Variants in OPCML observed in about 807,000 individuals in gnomAD.
OPCML encodes the protein opioid binding protein/cell adhesion molecule like, also known as opioid-binding protein/cell adhesion molecule.
In OPCML, 13 loss-of-function variants were observed where a neutral mutation model predicts 37.8. The observed-to-expected ratio is 0.34, with a 90% CI of 0.22 to 0.55. OPCML has a LOEUF of 0.55. Among genes scored for constraint, OPCML ranks in the 20% least tolerant of loss-of-function variants. The pLI, the probability that OPCML is intolerant of heterozygous loss-of-function variation, is 0.91. For synonymous variants in OPCML, 176 were observed against 168.8 expected (o/e 1.04, Z -0.33); for missense variants, 341 against 435.6 (o/e 0.78, Z 1.93).
intron 2 of OPCML, among the ~76,000 whole-genome samples, chr11:132,824,095 G>C (rs914538639): frequency 6.6e-6 from 1 of 152,064 alleles, no homozygotes. Flanking sequence ...AGCCTTTCCA[G>C]TTTAAATCTC....
intron 1 of OPCML, among the ~76,000 whole-genome samples, chr11:133,315,656 G>A (rs527947488): frequency 2.7e-4 from 41 of 152,086 alleles, no homozygotes; most frequent in African/African-American, 5.3e-4. Context: ...AAATTAGCCC[G>A]GCATAGTGGC....
chr11:132,492,824 G>A (rs139212597), intron 4 of OPCML, among the ~76,000 whole-genome samples: 221 of 152,290 alleles, frequency 1.5e-3, no homozygotes, highest in Middle Eastern at 0.01. Flanking sequence ...AAGAGTGCCT[G>A]GTGCACAGTA....
rs1393131067 is a variant in OPCML, at chr11:133,262,426, TGG to T, written c.61+269836_61+269837del. Among the ~76,000 whole-genome samples, 5 of 152,148 alleles carry T rather than the reference TGG, an allele frequency of 3.3e-5. No homozygotes were observed. In the East Asian group the frequency reaches 9.7e-4, roughly 30 times the overall value. On this transcript the variant is annotated intron_variant, in intron 1 of 7. Transcript: ENST00000524381. Reference sequence around the variant, plus strand: ...CAGAGAAAAAGAGGAATGAGGAAAATGGAGAGACTGGGGCCTAACACCATCTA... The same window carrying T: ...CAGAGAAAAAGAGGAATGAGGAAAATAGAGACTGGGGCCTAACACCATCTA...
chr11:133,183,969 A>C (rs1468685437), intron 1 of OPCML, among the ~76,000 whole-genome samples: 5 of 152,192 alleles, frequency 3.3e-5, no homozygotes, highest in African/African-American at 1.2e-4. Context: ...AAGCCCACTT[A>C]TTTACGCAGC....
chr11:133,276,025 C>T (rs1004564767), intron 1 of OPCML, among the ~76,000 whole-genome samples: 7 of 152,096 alleles, frequency 4.6e-5, no homozygotes, highest in African/African-American at 7.2e-5. Flanking sequence ...GAAAATGAAT[C>T]GTGGCCAGAG....
chr11:132,495,655 G>T (rs1260035695), intron 4 of OPCML, among the ~76,000 whole-genome samples: 1 of 152,174 alleles, frequency 6.6e-6, no homozygotes, highest in African/African-American at 2.4e-5. Context: ...ACTTTGGGAA[G>T]CCGAGGCAGG....
chr11:133,504,982 C>T (rs575270385), intron 1 of OPCML, among the ~76,000 whole-genome samples: 1 of 152,292 alleles, frequency 6.6e-6, no homozygotes, highest in South Asian at 2.1e-4. Flanking sequence ...TGAGACACCC[C>T]CTAAGGGGAC....
intron 1 of OPCML, among the ~76,000 whole-genome samples, chr11:133,214,896 G>A (rs997765249): frequency 6.6e-6 from 1 of 152,260 alleles, no homozygotes. Flanking sequence ...CAGCTATATA[G>A]CCAGCAAATG....
At chr11:133,352,560 TG>T in intron 1 of OPCML, among the ~76,000 whole-genome samples, 1 of 152,232 alleles carries the variant, frequency 6.6e-6, no homozygotes, top group Non-Finnish European at 1.5e-5. Flanking sequence ...TCAATATAAA[TG>T]GAGAATCAGT....
At chr11:132,714,866 AAG>A (rs1944409462) in intron 2 of OPCML, among the ~76,000 whole-genome samples, 3 of 152,188 alleles carry the variant, frequency 2.0e-5, no homozygotes, top group Non-Finnish European at 4.4e-5. Flanking sequence ...GATGATGTGG[AAG>A]ATAACAGAGA....
chr11:132,491,317 G>A (rs2096214862), intron 4 of OPCML, among the ~76,000 whole-genome samples: 2 of 152,200 alleles, frequency 1.3e-5, no homozygotes, highest in Admixed American at 1.3e-4. Flanking sequence ...CCTTACAATG[G>A]CCTGGACTGC....
chr11:132,884,105 G>A (rs1406023089), intron 2 of OPCML, among the ~76,000 whole-genome samples: 2 of 152,170 alleles, frequency 1.3e-5, no homozygotes, highest in Non-Finnish European at 2.9e-5. Flanking sequence ...GATTATAGCT[G>A]GGGTTATCCA....
chr11:133,045,630 G>T lies in OPCML; in HGVS notation c.62-102620C>A, dbSNP rs569430916. ...CTGGAAAGCTCTGCCCTGTGAGCTGGTCTCTGCCATCTTCTTCCCTCTCCC... is the reference window on the plus strand; with the variant it reads ...CTGGAAAGCTCTGCCCTGTGAGCTGTTCTCTGCCATCTTCTTCCCTCTCCC... On this transcript the variant is annotated intron_variant, in intron 1 of 7. Transcript: ENST00000524381. 3.9e-5 allele frequency among the ~76,000 whole-genome samples: 6 copies of T among 152,326 alleles called. No individual in the cohort carries two copies. In the South Asian group the frequency reaches 1.0e-3, roughly 26 times the overall value.
chr11:133,191,882 TG>T (rs1325922539), intron 1 of OPCML, among the ~76,000 whole-genome samples: 2 of 152,180 alleles, frequency 1.3e-5, no homozygotes, highest in African/African-American at 4.8e-5. Flanking sequence ...GTACAGTCAT[TG>T]GTCATATTTT....
intron 2 of OPCML, among the ~76,000 whole-genome samples, chr11:132,815,034 TA>T: frequency 6.6e-6 from 1 of 152,296 alleles, no homozygotes; most frequent in African/African-American, 2.4e-5. Context: ...CCAAAGAGCT[TA>T]GTTTCATTTC....
intron 4 of OPCML, among the ~76,000 whole-genome samples, chr11:132,460,754 C>T (rs1235728010): frequency 1.3e-5 from 2 of 152,164 alleles, no homozygotes; most frequent in South Asian, 4.1e-4. Flanking sequence ...ACAAAGACGA[C>T]CTTGAGTCAT....
intron 4 of OPCML, among the ~76,000 whole-genome samples, chr11:132,456,816 A>G (rs1356912626): frequency 6.6e-6 from 1 of 152,256 alleles, no homozygotes; most frequent in Non-Finnish European, 1.5e-5. Context: ...GATTTAAACC[A>G]TACTTTTCTG....
chr11:133,090,741 A>T (rs573573806), intron 1 of OPCML, among the ~76,000 whole-genome samples: 89 of 152,284 alleles, frequency 5.8e-4, no homozygotes, highest in African/African-American at 2.0e-3. Flanking sequence ...GAAAGAAATG[A>T]AGTGAAGACA....
chr11:132,749,805 T>G (rs1171070147), intron 2 of OPCML, among the ~76,000 whole-genome samples: 3 of 152,184 alleles, frequency 2.0e-5, no homozygotes, highest in Admixed American at 2.0e-4. Flanking sequence ...TGGGTCCAAG[T>G]GAAGAAACAG....
Sources: allele counts gnomAD v4.1 joint callset (sites outside exome capture counted in the v4.1 genomes callset), GRCh38; gene constraint gnomAD v4.1.1; transcripts MANE v1.5; gene names NCBI Gene and HGNC (gene_info 2026-07-23, HGNC 2026-07-21).